Variants in RGS20 observed in about 807,000 individuals in gnomAD.
The protein encoded by RGS20 is regulator of G protein signaling 20.
RGS20 carries 30 observed loss-of-function variants against 33.6 expected under a neutral mutation model. The ratio of observed to expected loss-of-function variants is 0.89; its 90% confidence interval spans 0.67 to 1.21. RGS20 has a LOEUF of 1.21. Among genes scored for constraint, RGS20 ranks in the 50% most tolerant of loss-of-function variants. The pLI, the probability that RGS20 is intolerant of heterozygous loss-of-function variation, is 0.00. For synonymous variants in RGS20, 208 were observed against 197.9 expected (o/e 1.05, Z -0.43); for missense variants, 472 against 502.4 (o/e 0.94, Z 0.58).
chr8:53,851,970 A>T lies in RGS20; in HGVS notation c.71A>T (p.Gln24Leu). ...TTCTCCAGGCCGTCTATATGGACAC[A>T]GTTTCTGCCCCTGTTCAGGGCTCAG... Residue 24 changes from glutamine to leucine, a missense_variant, in exon 1 of 6, where the codon CAG (glutamine) becomes CTG (leucine). By Grantham distance (113) the Gln-to-Leu change is moderately radical. Coordinates refer to ENST00000297313, the MANE Select transcript of RGS20 (RefSeq NM_170587.4). The T allele has an allele frequency of 6.2e-7, 1 of 1,614,070 alleles. No individual in the cohort carries two copies. Among genetic ancestry groups the T allele is most frequent in the East Asian group, 2.2e-5 (1 of 44,896 alleles).
chr8:53,944,466 A>G (rs1283670197), intron 3 of RGS20, among the ~76,000 whole-genome samples: 1 of 150,900 alleles, frequency 6.6e-6, no homozygotes, highest in African/African-American at 2.4e-5. Flanking sequence ...TAAACCCGGG[A>G]GGCGGAGGTT....
chr8:53,907,588 A>G (rs1813218561), intron 2 of RGS20, among the ~76,000 whole-genome samples: 1 of 119,674 alleles, frequency 8.4e-6, no homozygotes, highest in South Asian at 2.2e-4. Flanking sequence ...CCATCTCAGG[A>G]AAAAAAAAAA....
At chr8:53,857,889 T>C (rs1811713410) in intron 1 of RGS20, among the ~76,000 whole-genome samples, 2 of 152,118 alleles carry the variant, frequency 1.3e-5, no homozygotes, top group South Asian at 4.1e-4. Context: ...AATTTTTAAC[T>C]GTCTCATCAC....
At chr8:53,949,661 G>A (rs1167326794) in intron 4 of RGS20, among the ~76,000 whole-genome samples, 1 of 151,518 alleles carries the variant, frequency 6.6e-6, no homozygotes, top group Non-Finnish European at 1.5e-5. Flanking sequence ...AGGTTGCAGT[G>A]AGCCAAGATT....
At chr8:53,933,958 A>G (rs537266578) in intron 2 of RGS20, among the ~76,000 whole-genome samples, 84 of 152,366 alleles carry the variant, frequency 5.5e-4, no homozygotes, top group Non-Finnish European at 8.8e-4. Flanking sequence ...AATATTCAAC[A>G]TTCTTAAAGA....
intron 1 of RGS20, among the ~76,000 whole-genome samples, chr8:53,869,037 G>A (rs1479737567): frequency 1.3e-5 from 2 of 152,202 alleles, no homozygotes; most frequent in Non-Finnish European, 2.9e-5. Flanking sequence ...ATAGGCATGA[G>A]CCACCGCGCC....
chr8:53,898,484 C>T (rs907330289), intron 2 of RGS20, among the ~76,000 whole-genome samples: 3 of 152,184 alleles, frequency 2.0e-5, no homozygotes, highest in African/African-American at 7.2e-5. Flanking sequence ...CCTTGTGGCA[C>T]TTTAACAGAA....
In RGS20 at chr8:53,877,574, T is replaced by C. The variant is rs1034356010; in HGVS notation, c.166-1684T>C. On this transcript the variant is annotated intron_variant, in intron 1 of 5. Transcript: ENST00000297313. The surrounding 1 kb of genome is among the most constrained non-coding windows in gnomAD (Gnocchi z 5.7). ...CCCACTTTCCCCCTCGAGGGAGCTG[T>C]TGGCGCTTCTCCAGAAGCCTCCTCG... 1.3e-5 allele frequency among the ~76,000 whole-genome samples: 2 copies of C among 152,212 alleles called. No homozygotes were observed. The highest frequency in any genetic ancestry group is 2.9e-5 in the Non-Finnish European group (2 of 68,030).
chr8:53,896,889 AAGCTTTAAAT>A (rs1812879155), intron 2 of RGS20, among the ~76,000 whole-genome samples: 1 of 152,248 alleles, frequency 6.6e-6, no homozygotes, highest in African/African-American at 2.4e-5. Context: ...TACAGCTTGA[AAGCTTTAAAT>A]AGAATAGGAG....
intron 4 of RGS20, among the ~76,000 whole-genome samples, chr8:53,948,043 G>C (rs545897185): frequency 7.6e-6 from 1 of 131,956 alleles, no homozygotes; most frequent in African/African-American, 2.8e-5. Context: ...AAGTATATAT[G>C]CTATATGTAG....
chr8:53,867,707 CTTTGTTTCTTTCCTT>C (rs1563343687), intron 1 of RGS20, among the ~76,000 whole-genome samples: 2 of 150,364 alleles, frequency 1.3e-5, no homozygotes, highest in African/African-American at 4.9e-5. Context: ...TCCTTCCTTT[CTTTGTTTCTTTCCTT>C]CTTTCTTTCT....
At chr8:53,938,507 T>G (rs1396906867) in intron 2 of RGS20, among the ~76,000 whole-genome samples, 3 of 152,084 alleles carry the variant, frequency 2.0e-5, no homozygotes, top group Non-Finnish European at 4.4e-5. Context: ...AACCTTCAGG[T>G]TTTGCACATG....
intron 2 of RGS20, 26 bp from the exon 1 acceptor site, chr8:53,880,846 A>C (rs1281709727): frequency 7.2e-7 from 1 of 1,381,660 alleles, no homozygotes; most frequent in Non-Finnish European, 9.4e-7. Context: ...GGCCGGGTAA[A>C]AGGAGTGAGG....
chr8:53,901,686 A>G (rs996060885), intron 2 of RGS20, among the ~76,000 whole-genome samples: 6 of 152,328 alleles, frequency 3.9e-5, no homozygotes, highest in African/African-American at 1.4e-4. Flanking sequence ...TGAGGTACTT[A>G]GAGTAGTCAA....
At chr8:53,874,411 T>C (rs78458507) in intron 1 of RGS20, among the ~76,000 whole-genome samples, 1,764 of 130,114 alleles carry the variant, frequency 0.014, 32 homozygotes, top group African/African-American at 0.053. Context: ...TGCGCGCGCG[T>C]GTGCTTGCGT....
intron 4 of RGS20, among the ~76,000 whole-genome samples, chr8:53,950,977 C>T (rs1214132618): frequency 6.6e-6 from 1 of 152,106 alleles, no homozygotes; most frequent in East Asian, 1.9e-4. Flanking sequence ...TTTTAAAGCA[C>T]TTTAGAGACA....
intron 2 of RGS20, among the ~76,000 whole-genome samples, chr8:53,922,066 A>G (rs1240086198): frequency 6.6e-6 from 1 of 151,888 alleles, no homozygotes; most frequent in African/African-American, 2.4e-5. Context: ...TTGATCTTCT[A>G]TCTAGTTGTT....
chr8:53,921,566 G>A (rs886486754), intron 2 of RGS20, among the ~76,000 whole-genome samples: 1 of 149,598 alleles, frequency 6.7e-6, no homozygotes, highest in Non-Finnish European at 1.5e-5. Flanking sequence ...TTCTTCTTTA[G>A]TTAATTTTGT....
intron 1 of RGS20, among the ~76,000 whole-genome samples, chr8:53,864,977 A>G (rs1157954163): frequency 6.6e-6 from 1 of 152,210 alleles, no homozygotes; most frequent in Non-Finnish European, 1.5e-5. Flanking sequence ...ACTCAAAGAA[A>G]TCAATGCCCG....
Sources: gnomAD v4.1 joint callset for allele counts (sites outside exome capture counted in the v4.1 genomes callset) on GRCh38, gnomAD v4.1.1 for gene constraint, Gnocchi (gnomAD v3.1) non-coding constraint, MANE v1.5 for transcripts, NCBI Gene and HGNC (gene_info 2026-07-23, HGNC 2026-07-21) for gene names.